The following SLC8A1 variants were observed in gnomAD, a reference collection of about 807,000 sequenced individuals.
The protein encoded by SLC8A1 is sodium/calcium exchanger 1.
SLC8A1 carries 18 observed loss-of-function variants against 68.3 expected under a neutral mutation model. The observed-to-expected ratio is 0.26, with a 90% CI of 0.18 to 0.39. The LOEUF (loss-of-function observed/expected upper bound fraction) is 0.39, where lower values mean the gene tolerates loss of function less well. Among genes scored for constraint, SLC8A1 ranks in the 10% least tolerant of loss-of-function variants. The pLI, the probability that SLC8A1 is intolerant of heterozygous loss-of-function variation, is 1.00. For synonymous variants in SLC8A1, 475 were observed against 415.5 expected (o/e 1.14, Z -1.74); for missense variants, 985 against 1,156.7 (o/e 0.85, Z 2.15).
chr2:40,219,113 C>T (rs962145320), intron 2 of SLC8A1, among the ~76,000 whole-genome samples: 1 of 152,152 alleles, frequency 6.6e-6, no homozygotes, highest in Non-Finnish European at 1.5e-5. Context: ...GTAGGATTCT[C>T]CTAATCTTGG....
At chr2:40,288,029 C>G (rs2068627623) in intron 2 of SLC8A1, among the ~76,000 whole-genome samples, 1 of 152,148 alleles carries the variant, frequency 6.6e-6, no homozygotes, top group African/African-American at 2.4e-5. Context: ...GAAACCACTT[C>G]TGCTTTCCCC....
intron 2 of SLC8A1, among the ~76,000 whole-genome samples, chr2:40,357,256 C>T (rs992465161): frequency 7.2e-5 from 11 of 152,094 alleles, no homozygotes; most frequent in African/African-American, 2.7e-4. Context: ...CTTTGGGAGG[C>T]CGAAGCAGGA....
At chr2:40,493,897 T>C (rs1370350772) in intron 1 of SLC8A1, among the ~76,000 whole-genome samples, 4 of 151,888 alleles carry the variant, frequency 2.6e-5, no homozygotes, top group Non-Finnish European at 5.9e-5. Context: ...AACATTCCTT[T>C]CCTTTCCTCT....
intron 7 of SLC8A1, among the ~76,000 whole-genome samples, chr2:40,133,463 T>C (rs1399333948): frequency 1.3e-5 from 2 of 149,348 alleles, no homozygotes; most frequent in Admixed American, 1.3e-4. Flanking sequence ...TAGAGGGAAA[T>C]AATTCATGTT....
chr2:40,198,368 C>T (rs2053491027), intron 2 of SLC8A1, among the ~76,000 whole-genome samples: 1 of 151,778 alleles, frequency 6.6e-6, no homozygotes, highest in South Asian at 2.1e-4. Flanking sequence ...TTGCATTTCC[C>T]AAGCCTAGAA....
chr2:40,282,514 C>T (rs2067675489), intron 2 of SLC8A1, among the ~76,000 whole-genome samples: 1 of 152,146 alleles, frequency 6.6e-6, no homozygotes, highest in Admixed American at 6.6e-5. Context: ...AGACTGCCAA[C>T]TTTATTATTA....
At chr2:40,198,535 T>G (rs2053528424) in intron 2 of SLC8A1, among the ~76,000 whole-genome samples, 1 of 151,996 alleles carries the variant, frequency 6.6e-6, no homozygotes, top group African/African-American at 2.4e-5. Context: ...ATTGATTTCT[T>G]TTTTAAAAAA....
chr2:40,212,285 T>G lies in SLC8A1; in HGVS notation c.1809-34430A>C, dbSNP rs1242520674. On this transcript the variant is annotated intron_variant, in intron 2 of 7. Coordinates refer to ENST00000406785, the Ensembl canonical transcript of SLC8A1. Reference sequence around the variant, plus strand: ...GCTAAACAGAAGAGATGCAATATCTTTTTTTTTTTTTTTTTTCCTGAGACA... The same window carrying G: ...GCTAAACAGAAGAGATGCAATATCTGTTTTTTTTTTTTTTTTCCTGAGACA... 1.1e-4 allele frequency among the ~76,000 whole-genome samples: 16 copies of G among 143,368 alleles called. 1 individual carries two copies. Among genetic ancestry groups the G allele is most frequent in the Non-Finnish European group, 1.8e-4 (12 of 65,028 alleles). The allele number at this position is 143,368 out of a possible 152,430, so 94.1% of individuals were successfully genotyped here. A position where few individuals can be genotyped will look rare whatever the true frequency, so the allele number is the denominator to read the frequency against.
At chr2:40,442,456 C>T (rs569443917) in intron 1 of SLC8A1, among the ~76,000 whole-genome samples, 2 of 148,330 alleles carry the variant, frequency 1.3e-5, no homozygotes, top group South Asian at 2.1e-4. Flanking sequence ...TATGAACAGA[C>T]GCTTATCAAA....
intron 2 of SLC8A1, among the ~76,000 whole-genome samples, chr2:40,181,690 G>C (rs954686135): frequency 1.3e-5 from 2 of 152,174 alleles, no homozygotes; most frequent in African/African-American, 4.8e-5. Flanking sequence ...TTATGAATTA[G>C]CCCTTTAAAT....
intron 1 of SLC8A1, among the ~76,000 whole-genome samples, chr2:40,459,243 G>C (rs1468434787): frequency 6.6e-6 from 1 of 152,202 alleles, no homozygotes; most frequent in African/African-American, 2.4e-5. Flanking sequence ...AAATGGAATA[G>C]AAAGGTTTAG....
chr2:40,389,812 TATATG>T (rs1284850683), intron 2 of SLC8A1, among the ~76,000 whole-genome samples: 26 of 148,484 alleles, frequency 1.8e-4, no homozygotes, highest in African/African-American at 3.0e-4. Flanking sequence ...GGGAAATATA[TATATG>T]ATATATGATA....
rs1669608439 is a variant in SLC8A1, at chr2:40,347,121, T to C, written c.1808+81352A>G. Among the ~76,000 whole-genome samples, 5 of 152,300 alleles carry C rather than the reference T, an allele frequency of 3.3e-5. No homozygotes were observed. In the South Asian group the frequency reaches 1.0e-3, roughly 32 times the overall value. On this transcript the variant is annotated intron_variant, in intron 2 of 7. Transcript: ENST00000406785. ...TCTGTGCCTAGGTTCAAATTTTGGC[T>C]TTGCTACATACTGGCTATTTGAAAT...
chr2:40,478,819 T>G (rs1385808647), intron 1 of SLC8A1, among the ~76,000 whole-genome samples: 8 of 151,942 alleles, frequency 5.3e-5, no homozygotes, highest in Non-Finnish European at 8.8e-5. Flanking sequence ...TTGCCCAGGC[T>G]GGAGTGCAAT....
intron 1 of SLC8A1, among the ~76,000 whole-genome samples, chr2:40,499,350 A>G (rs1336537607): frequency 1.3e-5 from 2 of 151,990 alleles, no homozygotes; most frequent in Non-Finnish European, 2.9e-5. Context: ...AAAAATGAGG[A>G]TGATAATAGG....
intron 1 of SLC8A1, among the ~76,000 whole-genome samples, chr2:40,435,938 G>A (rs764160988): frequency 4.1e-5 from 6 of 147,658 alleles, no homozygotes; most frequent in Non-Finnish European, 6.0e-5. Flanking sequence ...AACCATGCTC[G>A]GCTATTTTTT....
At chr2:40,394,658 A>T (rs947824032) in intron 2 of SLC8A1, among the ~76,000 whole-genome samples, 1 of 152,068 alleles carries the variant, frequency 6.6e-6, no homozygotes, top group Non-Finnish European at 1.5e-5. Flanking sequence ...GAGAACTGTG[A>T]TTGCATTTTT....
chr2:40,200,457 A>T (rs889951218), intron 2 of SLC8A1, among the ~76,000 whole-genome samples: 4 of 149,110 alleles, frequency 2.7e-5, no homozygotes, highest in Non-Finnish European at 5.9e-5. Context: ...TATTTTTCCC[A>T]TGTAACATCT....
chr2:40,346,109 G>A (rs1265085799), intron 2 of SLC8A1, among the ~76,000 whole-genome samples: 1 of 150,024 alleles, frequency 6.7e-6, no homozygotes, highest in East Asian at 2.0e-4. Context: ...AGTTTCCTGT[G>A]GTCCCCTCAC....
Sources: allele counts gnomAD v4.1 joint callset (sites outside exome capture counted in the v4.1 genomes callset), GRCh38; gene constraint gnomAD v4.1.1; transcripts MANE v1.5; gene names NCBI Gene and HGNC (gene_info 2026-07-23, HGNC 2026-07-21).